Variants in DDX27 observed in about 807,000 individuals in gnomAD.
The protein encoded by DDX27 is probable ATP-dependent RNA helicase DDX27.
Under a neutral mutation model 99.3 loss-of-function variants are expected in DDX27, and 42 were observed. The ratio of observed to expected loss-of-function variants is 0.42; its 90% CI spans 0.33 to 0.55. The LOEUF is 0.55. Ranked by LOEUF, DDX27 falls within the 20% of genes least tolerant of loss-of-function variation. The probability of loss-of-function intolerance (pLI) is 0.07; values close to 1 mark genes in which losing one functional copy is unlikely to be tolerated. For synonymous variants in DDX27, 329 were observed against 353.8 expected, an observed-to-expected ratio of 0.93 and a Z score of 0.79; for missense variants, 798 against 976.8, an observed-to-expected ratio of 0.82 and a Z score of 2.44.
chr20:49,242,247 T>G, intron 18 of DDX27, 41 bp downstream of exon 18: 1 of 1,608,830 alleles, frequency 6.2e-7, no homozygotes, highest in South Asian at 1.1e-5. Flanking sequence ...TACAAGGTTT[T>G]CCCTGAAACC....
At chr20:49,227,114 G>A (rs1042016104) in intron 7 of DDX27, among the ~76,000 whole-genome samples, 8 of 151,762 alleles carry the variant, frequency 5.3e-5, no homozygotes, top group South Asian at 2.1e-4. Flanking sequence ...CGCCCGCCTT[G>A]GCCTCCCAAA....
chr20:49,228,613 A>G, intron 7 of DDX27, 102 bp from the exon 8 acceptor site: 1 of 1,157,226 alleles, frequency 8.6e-7, no homozygotes, highest in Non-Finnish European at 1.2e-6. Context: ...AAGTTCCTTT[A>G]TTTTCCCCAA....
chr20:49,226,857 CTTTTTT>C (rs36048579), intron 7 of DDX27, among the ~76,000 whole-genome samples: 2 of 63,460 alleles, frequency 3.2e-5, no homozygotes, highest in African/African-American at 6.5e-5. Context: ...GAGTAAAGGA[CTTTTTT>C]TTTTTTTTTT....
In DDX27 at chr20:49,230,235, G is replaced by C; in HGVS notation, c.917G>C (p.Arg306Pro). The C allele has an allele frequency of 6.2e-7, 1 of 1,613,112 alleles. No individual in the cohort carries two copies. Among genetic ancestry groups the C allele is most frequent in the Non-Finnish European group, 8.5e-7 (1 of 1,179,950 alleles). Residue 306 changes from arginine (R) to proline (P), a missense_variant, in exon 9 of 21, where the codon CGG becomes CCG. Physicochemically the swap from Arg to Pro is moderately radical, Grantham distance 103. This residue lies in a region of DDX27 where 553 missense variants were observed against 727.9 expected (regional missense o/e 0.76). Coordinates refer to ENST00000618172, the MANE Select transcript of DDX27 (RefSeq NM_017895.8). ...LDVKSQEAAL[R>P]AAPDILIATP... ...GTGAAGTCTCAGGAAGCAGCTCTTC[G>C]GGCAGCGCCTGACATCCTCATCGCC...
chr20:49,221,042 G>T (rs1339095865), intron 1 of DDX27, among the ~76,000 whole-genome samples: 3 of 152,022 alleles, frequency 2.0e-5, no homozygotes, highest in Non-Finnish European at 4.4e-5. Context: ...GCTCACCGCA[G>T]CCTCCCCCTC....
At chr20:49,223,576 T>TC (rs1979772046) in intron 4 of DDX27, 143 bp downstream of exon 4, 15 of 697,634 alleles carry the variant, frequency 2.2e-5, no homozygotes, top group Non-Finnish European at 3.2e-5. Context: ...TTCTTTCTTT[T>TC]TTTTTTTTTT....
chr20:49,230,668 A>T (rs1208274054), intron 9 of DDX27, among the ~76,000 whole-genome samples: 1 of 152,208 alleles, frequency 6.6e-6, no homozygotes, highest in Non-Finnish European at 1.5e-5. Context: ...GGACATACGC[A>T]CACCATAGTG....
Position 49,243,842 on chromosome 20 carries a change from G to A in DDX27, c.*8G>A. ...TACAAGAGGAGGAAGTAGCTGTCGT[G>A]GCCTGAAGAAATTCATGGGGGCAGC... On this transcript the variant is annotated 3_prime_UTR_variant, in exon 21 of 21. Transcript: ENST00000618172. 1 of 1,614,032 alleles carries A rather than the reference G, an allele frequency of 6.2e-7. No individual in the cohort carries two copies. Among genetic ancestry groups the A allele is most frequent in the Non-Finnish European group, 8.5e-7 (1 of 1,179,984 alleles).
rs145536770 is a variant in DDX27, at chr20:49,223,381, A to G, written c.414A>G (p.Glu138=). 41 of 1,613,878 alleles carry G rather than the reference A, an allele frequency of 2.5e-5. No individual in the cohort carries two copies. In the African/African-American group the frequency reaches 5.2e-4, roughly 20 times the overall value. ...ATGATGAGGAAGGCTCAGAAGATGA[A>G]GCCTCGGAGACTGACTACTCATCAG... ...QENDEEGSED[E]ASETDYSSAD... Residue 138 remains glutamate (E), a synonymous_variant, in exon 4 of 21, where the codon GAA becomes GAG. Transcript: ENST00000618172.
chr20:49,225,936 C>T (rs957913395), intron 6 of DDX27, among the ~76,000 whole-genome samples: 1 of 152,174 alleles, frequency 6.6e-6, no homozygotes, highest in African/African-American at 2.4e-5. Context: ...CCACACTGGC[C>T]TCCTTGCTGG....
intron 8 of DDX27, among the ~76,000 whole-genome samples, chr20:49,229,128 C>A (rs921543142): frequency 1.5e-4 from 23 of 151,526 alleles, no homozygotes; most frequent in Non-Finnish European, 3.2e-4. Context: ...AGCTCCGCCT[C>A]CCGGGTTCAC....
At position 49,232,019 on chromosome 20, in the gene DDX27, A is replaced by G. The variant is rs557385987; in HGVS notation, c.1032-1287A>G. On this transcript the variant is annotated intron_variant, in intron 9 of 20. Transcript: ENST00000618172. ...CCCATCTCAGTCCCCCGACGTAGCT[A>G]CTACTACAGGCACATGCTACCATGC... is the stretch of plus-strand genomic sequence containing the variant. Among the ~76,000 whole-genome samples, 9 of 151,726 alleles carry G rather than the reference A, an allele frequency of 5.9e-5. No individual in the cohort carries two copies. In the South Asian group the frequency reaches 1.5e-3, roughly 25 times the overall value.
intron 6 of DDX27, among the ~76,000 whole-genome samples, chr20:49,226,120 C>G (rs944838036): frequency 6.6e-6 from 1 of 152,180 alleles, no homozygotes; most frequent in Non-Finnish European, 1.5e-5. Flanking sequence ...AATAGCACTC[C>G]CCCTGCTGCC....
At chr20:49,223,094 G>GACGTTA in intron 3 of DDX27, 78 bp downstream of exon 3, 1 of 1,477,530 alleles carries the variant, frequency 6.8e-7, no homozygotes, top group Non-Finnish European at 9.4e-7. Context: ...CTCTCTGGAA[G>GACGTTA]CCCTTATAGA....
At chr20:49,241,441 G>A (rs973264013) in intron 16 of DDX27, among the ~76,000 whole-genome samples, 9 of 152,044 alleles carry the variant, frequency 5.9e-5, no homozygotes, top group Non-Finnish European at 5.9e-5. Context: ...GTGAGATGGA[G>A]GTAATCAGTG....
chr20:49,242,897 T>A (rs1223687624), intron 19 of DDX27, among the ~76,000 whole-genome samples: 3 of 152,070 alleles, frequency 2.0e-5, no homozygotes, highest in African/African-American at 7.2e-5. Flanking sequence ...AATTTTTGTA[T>A]TTTTAGTAGA....
At chr20:49,240,743 T>C (rs565843147) in intron 16 of DDX27, among the ~76,000 whole-genome samples, 2 of 152,266 alleles carry the variant, frequency 1.3e-5, no homozygotes, top group South Asian at 4.1e-4. Context: ...TTGTTTTTTT[T>C]AATGGCTTCA....
At chr20:49,239,188 TTAG>T in intron 15 of DDX27, 45 bp from the exon 16 acceptor site, 1 of 1,584,964 alleles carries the variant, frequency 6.3e-7, no homozygotes, top group South Asian at 1.1e-5. Flanking sequence ...GCTTCCTGTG[TTAG>T]TAGATACGGG....
In DDX27 at chr20:49,242,134, C is replaced by T. The variant is rs369804580; in HGVS notation, c.2044C>T (p.Arg682Trp). 16 of 1,614,158 alleles carry T rather than the reference C, an allele frequency of 9.9e-6. No individual in the cohort carries two copies. The highest frequency in any genetic ancestry group is 2.2e-5 in the South Asian group (2 of 91,082). Residue 682 changes from arginine (R) to tryptophan (W), a missense_variant, in exon 18 of 21, where the codon CGG (arginine) becomes TGG (tryptophan). Around this residue, in one of 2 missense-constraint regions of DDX27, gnomAD observed 553 missense variants for 727.9 expected, o/e 0.76. Coordinates refer to ENST00000618172, the MANE Select transcript of DDX27 (RefSeq NM_017895.8). Reference sequence around the variant, plus strand: ...CCTCAAGGCGCAGATGTTTGCTGAACGGCTAGCGAAGAGGAATCGCAGAGC... The same window carrying T: ...CCTCAAGGCGCAGATGTTTGCTGAATGGCTAGCGAAGAGGAATCGCAGAGC... ...EILKAQMFAE[R>W]LAKRNRRAKR...
Sources: allele counts gnomAD v4.1 joint callset (sites outside exome capture counted in the v4.1 genomes callset), GRCh38; gene constraint gnomAD v4.1.1; regional missense constraint gnomAD v4.1.1; transcripts MANE v1.5; gene names NCBI Gene and HGNC (gene_info 2026-07-23, HGNC 2026-07-21).